Variants in ZNF407 observed in about 807,000 individuals in gnomAD.
ZNF407 encodes the protein zinc finger protein 407.
ZNF407 carries 17 observed loss-of-function variants against 131.2 expected under a neutral mutation model. The observed-to-expected ratio is 0.13, with a 90% CI of 0.09 to 0.19. The LOEUF is 0.19. ZNF407 is among the 10% of genes least tolerant of loss of function. The pLI, the probability that ZNF407 is intolerant of heterozygous loss-of-function variation, is 1.00. For missense variants in ZNF407, 2,681 were observed against 2,830.6 expected (o/e 0.95, Z 1.20); for synonymous variants, 1,156 against 1,062.0 (o/e 1.09, Z -1.72).
rs1445219260 is a variant in ZNF407, at chr18:74,843,907, G to GA, written c.4878-33284dup. ...ATATAGTTGTCTTAGTAAATGACTG[G>GA]AAAAAATTCCAACTTTATTAAATAT... On this transcript the variant is annotated intron_variant, in intron 4 of 8. Transcript: ENST00000299687. Among the ~76,000 whole-genome samples the GA allele has an allele frequency of 2.6e-5, 4 of 152,120 alleles. No homozygotes were observed. In the East Asian group the frequency reaches 5.8e-4, roughly 22 times the overall value.
At chr18:74,673,197 C>A (rs1986220335) in intron 3 of ZNF407, among the ~76,000 whole-genome samples, 1 of 152,150 alleles carries the variant, frequency 6.6e-6, no homozygotes, top group African/African-American at 2.4e-5. Context: ...TGCTGCTGAA[C>A]CAGATGACCA....
intron 8 of ZNF407, among the ~76,000 whole-genome samples, chr18:75,049,132 G>T (rs1054609387): frequency 6.6e-6 from 1 of 151,506 alleles, no homozygotes; most frequent in Non-Finnish European, 1.5e-5. Context: ...TGTTCGTCAT[G>T]ATCTCACTGT....
intron 8 of ZNF407, among the ~76,000 whole-genome samples, chr18:75,024,053 C>T (rs1413482467): frequency 6.6e-6 from 1 of 152,132 alleles, no homozygotes; most frequent in Non-Finnish European, 1.5e-5. Context: ...GAGTCTCAAG[C>T]TTATCCTCAA....
At chr18:74,690,818 A>G (rs1229259426) in intron 3 of ZNF407, among the ~76,000 whole-genome samples, 1 of 151,870 alleles carries the variant, frequency 6.6e-6, no homozygotes, top group Admixed American at 6.6e-5. Context: ...TTAGAGTCAA[A>G]CTCTTGGTTT....
chr18:74,632,782 T>G lies in ZNF407; in HGVS notation c.1763T>G (p.Leu588Arg). 2.5e-6 allele frequency: 4 copies of G among 1,614,042 alleles called. No homozygotes were observed. The highest frequency in any genetic ancestry group is 3.4e-6 in the Non-Finnish European group (4 of 1,179,898). ...CAGCATCAGCAAACTGCTTCTGTCC[T>G]GAGTTGTCAGTGTTGTTCATTTATA... ...SNQHQQTASVLSCQCCSFISL... is the reference protein window; with the variant it reads ...SNQHQQTASVRSCQCCSFISL... The change falls in exon 2 of 9, where the codon CTG (leucine) becomes CGG (arginine). Residue 588 changes from leucine (L) to arginine (R), a missense_variant. Physicochemically the swap from Leu to Arg is moderately radical, Grantham distance 102 (BLOSUM62 -2). Around this residue, in one of 6 missense-constraint regions of ZNF407, gnomAD observed 1,789 missense variants for 1,748.7 expected, o/e 1.02. Coordinates refer to ENST00000299687, the MANE Select transcript of ZNF407 (RefSeq NM_017757.3).
chr18:75,051,781 C>T (rs1973504076), intron 8 of ZNF407, among the ~76,000 whole-genome samples: 1 of 152,114 alleles, frequency 6.6e-6, no homozygotes, highest in Non-Finnish European at 1.5e-5. Context: ...GTCTGGGGGT[C>T]GGTCATCAGG....
chr18:74,808,806 T>C lies in ZNF407; in HGVS notation c.4877+27304T>C, dbSNP rs186156346. ...TTGAGTGTCATCACTTTGATAGACA[T>C]GGGCATTTAGTCAAAGGATAGTACC... On this transcript the variant is annotated intron_variant, in intron 4 of 8. Transcript: ENST00000299687. Among the ~76,000 whole-genome samples the C allele has an allele frequency of 2.6e-3, 401 of 152,296 alleles. 4 individuals carry two copies. The highest frequency in any genetic ancestry group is 9.1e-3 in the African/African-American group (379 of 41,558).
At chr18:74,976,973 T>C (rs1052624227) in intron 8 of ZNF407, among the ~76,000 whole-genome samples, 4 of 152,238 alleles carry the variant, frequency 2.6e-5, no homozygotes, top group Non-Finnish European at 5.9e-5. Context: ...TGCATAGGCT[T>C]CTGTGTCTCT....
At chr18:74,804,104 A>G (rs2145076134) in intron 4 of ZNF407, 1 of 1,538,856 alleles carries the variant, frequency 6.5e-7, no homozygotes, top group Middle Eastern at 1.7e-4. Context: ...TTGGCTGAGG[A>G]CTTATTTTGG....
rs1406594727 is a variant in ZNF407, at chr18:74,641,059, G to A, written c.4739G>A (p.Gly1580Glu). 1.9e-6 allele frequency: 3 copies of A among 1,613,198 alleles called. No individual in the cohort carries two copies. Among genetic ancestry groups the A allele is most frequent in the Non-Finnish European group, 2.5e-6 (3 of 1,179,456 alleles). Residue 1580 changes from glycine (G) to glutamate (E), a missense_variant, in exon 3 of 9, where the codon GGA (glycine) becomes GAA (glutamate). Gly to Glu is a moderately conservative substitution (Grantham distance 98, BLOSUM62 -2). Coordinates refer to ENST00000299687, the MANE Select transcript of ZNF407 (RefSeq NM_017757.3). ...TGCCATTTTGCAACAGCTCAGCTTG[G>A]AGATGCCAGAAACCATGTGAAAAGG... The part of the protein sequence containing the change: ...KICHFATAQL[G>E]DARNHVKRHL...
At chr18:74,904,465 C>G (rs1185442264) in intron 7 of ZNF407, among the ~76,000 whole-genome samples, 4 of 152,190 alleles carry the variant, frequency 2.6e-5, no homozygotes, top group African/African-American at 7.2e-5. Flanking sequence ...GCCCTCCTTC[C>G]TGTGATGTGG....
intron 3 of ZNF407, among the ~76,000 whole-genome samples, chr18:74,729,373 T>C (rs1395991410): frequency 1.3e-5 from 2 of 152,218 alleles, no homozygotes; most frequent in Non-Finnish European, 2.9e-5. Flanking sequence ...TAGCTTGATT[T>C]CTGTTATTTT....
chr18:74,631,969 C>T lies in ZNF407; in HGVS notation c.950C>T (p.Ser317Leu). 6.2e-7 allele frequency: 1 copy of T among 1,613,946 alleles called. No homozygotes were observed. The highest frequency in any genetic ancestry group is 8.5e-7 in the Non-Finnish European group (1 of 1,179,890). Residue 317 changes from serine (S) to leucine (L), a missense_variant, in exon 2 of 9, where the codon TCA (serine) becomes TTA (leucine). This residue lies in a region of ZNF407 where 1,789 missense variants were observed against 1,748.7 expected (regional missense o/e 1.02). Coordinates refer to ENST00000299687, the MANE Select transcript of ZNF407 (RefSeq NM_017757.3). Reference sequence around the variant, plus strand: ...AAATCAATAGCAAAGAATAGTGATTCAAAAGGATTACGAAATGTGGGAAGC... The same window carrying T: ...AAATCAATAGCAAAGAATAGTGATTTAAAAGGATTACGAAATGTGGGAAGC... ...TSKSIAKNSD[S>L]KGLRNVGSTF... is the part of the protein sequence containing the mutation.
intron 3 of ZNF407, among the ~76,000 whole-genome samples, chr18:74,719,399 TTA>T (rs1967973230): frequency 6.6e-6 from 1 of 152,006 alleles, no homozygotes; most frequent in East Asian, 1.9e-4. Flanking sequence ...ACTTACTTAC[TTA>T]CTTACTTATT....
At chr18:74,747,837 A>G (rs1038812827) in intron 3 of ZNF407, among the ~76,000 whole-genome samples, 5 of 152,166 alleles carry the variant, frequency 3.3e-5, no homozygotes, top group Admixed American at 3.3e-4. Flanking sequence ...TGTATAACAC[A>G]TATACTTTGA....
At chr18:74,705,504 C>T (rs1302077133) in intron 3 of ZNF407, among the ~76,000 whole-genome samples, 2 of 152,158 alleles carry the variant, frequency 1.3e-5, no homozygotes, top group Non-Finnish European at 1.5e-5. Flanking sequence ...GTAATTAAAA[C>T]GTCTTGTACC....
At chr18:74,623,027 TGA>T (rs1336169980) in intron 1 of ZNF407, among the ~76,000 whole-genome samples, 1 of 133,654 alleles carries the variant, frequency 7.5e-6, no homozygotes, top group African/African-American at 3.1e-5. Context: ...AGTTGGTGTG[TGA>T]GTGCATGTGT....
chr18:74,912,325 G>A (rs547944342), intron 7 of ZNF407, among the ~76,000 whole-genome samples: 1 of 152,108 alleles, frequency 6.6e-6, no homozygotes, highest in African/African-American at 2.4e-5. Flanking sequence ...ACTGTCCCGT[G>A]AGTGATTTTG....
intron 3 of ZNF407, among the ~76,000 whole-genome samples, chr18:74,744,471 G>A (rs1968621346): frequency 6.6e-6 from 1 of 152,124 alleles, no homozygotes; most frequent in Admixed American, 6.5e-5. Flanking sequence ...ACATTAGAGT[G>A]TTGGCAGAGA....
Sources: allele counts gnomAD v4.1 joint callset (sites outside exome capture counted in the v4.1 genomes callset), GRCh38; gene constraint gnomAD v4.1.1; regional missense constraint gnomAD v4.1.1; transcripts MANE v1.5; gene names NCBI Gene and HGNC (gene_info 2026-07-23, HGNC 2026-07-21).